Variants in CTNNA3 observed in about 807,000 individuals in gnomAD.
CTNNA3 encodes the protein catenin alpha 3.
Under a neutral mutation model 95.7 loss-of-function variants are expected in CTNNA3, and 76 were observed. That is an observed-to-expected ratio of 0.79 (90% CI 0.66 to 0.96). CTNNA3 has a LOEUF of 0.96. CTNNA3 is among the 40% of genes least tolerant of loss of function. The pLI is 0.00. For missense variants in CTNNA3, 1,191 were observed against 1,089.8 expected (o/e 1.09, Z -1.31); for synonymous variants, 431 against 374.4 (o/e 1.15, Z -1.74).
intron 6 of CTNNA3, among the ~76,000 whole-genome samples, chr10:67,205,107 C>G (rs770110868): frequency 6.6e-6 from 1 of 152,122 alleles, no homozygotes; most frequent in Admixed American, 6.5e-5. Flanking sequence ...TTTACAAAGG[C>G]AGTTTAGTTT....
intron 10 of CTNNA3, among the ~76,000 whole-genome samples, chr10:66,530,111 CA>C (rs1417269864): frequency 2.0e-4 from 30 of 152,114 alleles, no homozygotes; most frequent in African/African-American, 6.5e-4. Context: ...AGAGATAGTT[CA>C]ATATTGGCAT....
At chr10:67,219,385 T>G (rs527496100) in intron 6 of CTNNA3, among the ~76,000 whole-genome samples, 1 of 152,274 alleles carries the variant, frequency 6.6e-6, no homozygotes, top group Admixed American at 6.5e-5. Context: ...CCACTTCAAA[T>G]TCATTGGATT....
intron 7 of CTNNA3, among the ~76,000 whole-genome samples, chr10:67,121,861 A>G (rs1445748399): frequency 1.3e-5 from 2 of 151,754 alleles, no homozygotes; most frequent in East Asian, 1.9e-4. Context: ...ATATAGGTCC[A>G]TATCTTCCAG....
rs556228968 is a variant in CTNNA3, at chr10:67,091,705, G to A, written c.1047+88612C>T. 4.6e-5 allele frequency among the ~76,000 whole-genome samples: 7 copies of A among 152,162 alleles called. No homozygotes were observed. The South Asian group carries it at 1.0e-3, about 23-fold the overall frequency. On this transcript the variant is annotated intron_variant, in intron 7 of 17. Coordinates refer to ENST00000433211, the MANE Select transcript of CTNNA3 (RefSeq NM_013266.4). Reference sequence around the variant, plus strand: ...TAGTGGTAACAGAGATGAGAGATGTGTGTGCCTGTCATTGATGTCAAGAAA... The same window carrying A: ...TAGTGGTAACAGAGATGAGAGATGTATGTGCCTGTCATTGATGTCAAGAAA...
At chr10:66,067,461 A>C (rs534705089) in intron 15 of CTNNA3, among the ~76,000 whole-genome samples, 67 of 152,314 alleles carry the variant, frequency 4.4e-4, no homozygotes, top group African/African-American at 1.4e-3. Flanking sequence ...ACTTTATTGA[A>C]CTTAAGCATA....
At chr10:66,007,837 TCCTC>T (rs755592644) in intron 15 of CTNNA3, among the ~76,000 whole-genome samples, 1 of 135,588 alleles carries the variant, frequency 7.4e-6, no homozygotes, top group Non-Finnish European at 1.6e-5. Flanking sequence ...CTTCCTTTCC[TCCTC>T]CCTCCCTCCC....
At chr10:66,562,070 T>C (rs528948613) in intron 10 of CTNNA3, among the ~76,000 whole-genome samples, 2 of 152,178 alleles carry the variant, frequency 1.3e-5, no homozygotes, top group East Asian at 1.9e-4. Context: ...GAAATTACTA[T>C]GAAAACCTAA....
At chr10:67,245,961 T>A (rs1325566375) in intron 5 of CTNNA3, among the ~76,000 whole-genome samples, 1 of 152,166 alleles carries the variant, frequency 6.6e-6, no homozygotes, top group African/African-American at 2.4e-5. Context: ...GCTCTCATTC[T>A]AGAGGCAAAT....
intron 9 of CTNNA3, among the ~76,000 whole-genome samples, chr10:66,679,516 A>G (rs1279183748): frequency 6.6e-6 from 1 of 152,182 alleles, no homozygotes; most frequent in Non-Finnish European, 1.5e-5. Context: ...AGAGAAAATA[A>G]GTTGATCAAC....
chr10:66,055,328 C>A (rs1293687099), intron 15 of CTNNA3, among the ~76,000 whole-genome samples: 1 of 152,124 alleles, frequency 6.6e-6, no homozygotes, highest in Non-Finnish European at 1.5e-5. Flanking sequence ...AACATTTTAA[C>A]AATATTGATT....
chr10:66,093,831 T>C (rs1262837828), intron 14 of CTNNA3, among the ~76,000 whole-genome samples: 2 of 152,026 alleles, frequency 1.3e-5, no homozygotes, highest in Non-Finnish European at 2.9e-5. Context: ...GGGTGTGCTT[T>C]TGGGGCAAGA....
At chr10:66,524,804 C>A (rs1009699395) in intron 10 of CTNNA3, among the ~76,000 whole-genome samples, 3 of 152,000 alleles carry the variant, frequency 2.0e-5, no homozygotes, top group Non-Finnish European at 4.4e-5. Context: ...AATCCCAGGA[C>A]TTTGGGAGGC....
At chr10:66,769,402 A>T (rs1839996718) in intron 8 of CTNNA3, among the ~76,000 whole-genome samples, 1 of 41,612 alleles carries the variant, frequency 2.4e-5, no homozygotes, top group Non-Finnish European at 4.1e-5. Flanking sequence ...AACCCACAAT[A>T]TTCTCACCAG....
At position 66,645,541 on chromosome 10, in the gene CTNNA3, T is replaced by C. The variant is rs191760578; in HGVS notation, c.1282-23757A>G. Among the ~76,000 whole-genome samples, 317 of 152,266 alleles carry C rather than the reference T, an allele frequency of 2.1e-3. 3 individuals are homozygous for C. The highest frequency in any genetic ancestry group is 3.4e-3 in the Middle Eastern group (1 of 294). On this transcript the variant is annotated intron_variant, in intron 9 of 17. Coordinates refer to ENST00000433211, the MANE Select transcript of CTNNA3 (RefSeq NM_013266.4). ...ATATACAGATTTTTGTGTGGGGATA[T>C]TTATGGGTCCCCTATTCCAGGGCTC...
intron 15 of CTNNA3, among the ~76,000 whole-genome samples, chr10:66,021,491 C>CTA (rs35316772): frequency 6.6e-6 from 1 of 151,800 alleles, no homozygotes; most frequent in Non-Finnish European, 1.5e-5. Context: ...TTAAAAATAA[C>CTA]GAGGTATTTG....
chr10:65,946,334 C>T (rs2077516243), intron 17 of CTNNA3, among the ~76,000 whole-genome samples: 1 of 152,044 alleles, frequency 6.6e-6, no homozygotes, highest in African/African-American at 2.4e-5. Context: ...ATATTCCACC[C>T]TTCATTCTTT....
intron 9 of CTNNA3, among the ~76,000 whole-genome samples, chr10:66,757,317 C>T (rs1368974654): frequency 1.3e-5 from 2 of 152,060 alleles, no homozygotes; most frequent in African/African-American, 2.4e-5. Flanking sequence ...ATATTCATAA[C>T]AAAATGCCCT....
intron 13 of CTNNA3, among the ~76,000 whole-genome samples, chr10:66,108,807 A>G (rs1428661393): frequency 1.3e-5 from 2 of 152,218 alleles, no homozygotes; most frequent in African/African-American, 4.8e-5. Flanking sequence ...CAATTTCACA[A>G]GAAAATCATG....
At position 65,913,293 on chromosome 10, in the gene CTNNA3, G is replaced by C. The variant is rs1175645534; in HGVS notation, c.*7037C>G. On this transcript the variant is annotated 3_prime_UTR_variant, in exon 18 of 18. Coordinates refer to ENST00000433211, the MANE Select transcript of CTNNA3 (RefSeq NM_013266.4). ...AGGGGCATCTGGAAATCTTTCTCTA[G>C]AAGTTTTAATTCATATTTAATCACC... The C allele has an allele frequency of 2.0e-5, 3 of 152,108 alleles. No homozygotes were observed. The highest frequency in any genetic ancestry group is 7.2e-5 in the African/African-American group (3 of 41,428). 9.4% of individuals were successfully genotyped at this position (152,108 alleles called of 1,614,324 possible). A position where few individuals can be genotyped will look rare whatever the true frequency, so the allele number is the denominator to read the frequency against.
Sources: gnomAD v4.1 joint callset for allele counts (sites outside exome capture counted in the v4.1 genomes callset) on GRCh38, gnomAD v4.1.1 for gene constraint, MANE v1.5 for transcripts, NCBI Gene and HGNC (gene_info 2026-07-23, HGNC 2026-07-21) for gene names.